The following NCOR1 variants were observed in gnomAD, a reference collection of about 807,000 sequenced individuals.
The protein encoded by NCOR1 is protein phosphatase 1, regulatory subunit 109.
In NCOR1, 63 loss-of-function variants were observed where a neutral mutation model predicts 288.1. The ratio of observed to expected loss-of-function variants is 0.22; its 90% CI spans 0.18 to 0.27. The LOEUF (loss-of-function observed/expected upper bound fraction) is 0.27, where lower values mean the gene tolerates loss of function less well. Among genes scored for constraint, NCOR1 ranks in the 10% least tolerant of loss-of-function variants. The pLI is 1.00. For missense variants in NCOR1, 2,397 were observed against 3,019.2 expected, an observed-to-expected ratio of 0.79 and a Z score of 4.83; for synonymous variants, 1,007 against 1,065.9, an observed-to-expected ratio of 0.94 and a Z score of 1.08.
At chr17:16,064,619 A>C (rs1308759181) in intron 34 of NCOR1, among the ~76,000 whole-genome samples, 2 of 152,076 alleles carry the variant, frequency 1.3e-5, no homozygotes, top group African/African-American at 4.8e-5. Flanking sequence ...AAAAACAAAA[A>C]AAAAACAAGA....
intron 40 of NCOR1, among the ~76,000 whole-genome samples, chr17:16,049,838 A>C (rs1411723155): frequency 6.6e-6 from 1 of 152,044 alleles, no homozygotes; most frequent in Non-Finnish European, 1.5e-5. Flanking sequence ...GGGCCTCCAA[A>C]AGTGCTAGGA....
At position 16,151,752 on chromosome 17, in the gene NCOR1, C is replaced by A. The variant is rs569701096; in HGVS notation, c.842+194G>T. ...GCAATAATTTATTTCATTTTTTGGC[C>A]TCGGAAACTCAAAGCTGTTACCCCA... On this transcript the variant is annotated intron_variant, in intron 8 of 45. Transcript: ENST00000268712. 10 of 1,027,620 alleles carry A rather than the reference C, an allele frequency of 9.7e-6. No individual in the cohort carries two copies. The African/African-American group carries it at 1.5e-4, about 15-fold the overall frequency. 63.7% of individuals were successfully genotyped at this position (1,027,620 alleles called of 1,614,324 possible). A position where few individuals can be genotyped will look rare whatever the true frequency, so the allele number is the denominator to read the frequency against.
At chr17:16,102,696 C>T (rs1165760127) in intron 19 of NCOR1, among the ~76,000 whole-genome samples, 5 of 151,990 alleles carry the variant, frequency 3.3e-5, no homozygotes, top group Non-Finnish European at 7.4e-5. Flanking sequence ...CAGGTTCCAG[C>T]GATTCTTGTG....
chr17:16,214,266 T>A (rs1426616590), intron 1 of NCOR1, among the ~76,000 whole-genome samples: 2 of 152,208 alleles, frequency 1.3e-5, no homozygotes, highest in African/African-American at 4.8e-5. Flanking sequence ...AACGATGCCA[T>A]CAACTCTTCA....
chr17:16,104,011 C>A (rs937729384), intron 19 of NCOR1, among the ~76,000 whole-genome samples: 1 of 152,086 alleles, frequency 6.6e-6, no homozygotes, highest in Non-Finnish European at 1.5e-5. Flanking sequence ...CCCACCCCCC[C>A]AAAAAAGCCT....
chr17:16,162,815 T>G (rs1278857224), intron 5 of NCOR1, among the ~76,000 whole-genome samples: 15 of 152,130 alleles, frequency 9.9e-5, no homozygotes, highest in Admixed American at 9.8e-4. Flanking sequence ...AAGACTTGAG[T>G]TGCGAGAAGA....
chr17:16,033,000 A>G (rs1289427680), intron 45 of NCOR1, among the ~76,000 whole-genome samples: 1 of 152,304 alleles, frequency 6.6e-6, no homozygotes, highest in East Asian at 1.9e-4. Flanking sequence ...GCTACCCTTC[A>G]TCAGTTTCTA....
chr17:16,110,401 T>A (rs568622981), intron 18 of NCOR1, among the ~76,000 whole-genome samples: 1 of 152,028 alleles, frequency 6.6e-6, no homozygotes, highest in Non-Finnish European at 1.5e-5. Context: ...AATTCCTTTT[T>A]AAAAAAAATT....
At chr17:16,060,067 T>G (rs1320051453) in intron 37 of NCOR1, among the ~76,000 whole-genome samples, 2 of 152,220 alleles carry the variant, frequency 1.3e-5, no homozygotes, top group Non-Finnish European at 2.9e-5. Flanking sequence ...CAAACCGTGT[T>G]CACATTGTTC....
rs529937398 is a variant in NCOR1 at position 16,094,798 on chromosome 17, C to T, written c.2821-2740G>A. On this transcript the variant is annotated intron_variant, in intron 21 of 45. Transcript: ENST00000268712. Reference sequence around the variant, plus strand: ...GCTGGGCTGGTCTCCAGCTCCTAACCGCGAGTGATCCACCAGCCTCGGCAT... The same window carrying T: ...GCTGGGCTGGTCTCCAGCTCCTAACTGCGAGTGATCCACCAGCCTCGGCAT... Among the ~76,000 whole-genome samples, 8 of 152,318 alleles carry T rather than the reference C, an allele frequency of 5.3e-5. No homozygotes were observed. In the East Asian group the frequency reaches 1.5e-3, roughly 29 times the overall value.
chr17:16,149,420 T>C, intron 9 of NCOR1, 31 bp downstream of exon 9: 1 of 1,339,534 alleles, frequency 7.5e-7, no homozygotes, highest in Non-Finnish European at 1.0e-6. Context: ...GAAAGCTGTA[T>C]AAATTTCAGT....
intron 13 of NCOR1, chr17:16,137,783 T>C: frequency 4.4e-6 from 1 of 226,666 alleles, no homozygotes; most frequent in Admixed American, 5.6e-5. Context: ...TATGGAATGA[T>C]TCACAAATTT....
At chr17:16,118,159 T>G (rs2072110572) in intron 17 of NCOR1, 132 bp from the exon 18 acceptor site, 1 of 857,498 alleles carries the variant, frequency 1.2e-6, no homozygotes, top group Non-Finnish European at 1.8e-6. Context: ...TTACTTATCA[T>G]ATATACTTTG....
At chr17:16,092,265 A>C (rs576319915) in intron 21 of NCOR1, among the ~76,000 whole-genome samples, 1 of 152,242 alleles carries the variant, frequency 6.6e-6, no homozygotes, top group African/African-American at 2.4e-5. Context: ...CGAGGCAGGC[A>C]GATCACCTGA....
chr17:16,195,210 C>T (rs757076613), intron 1 of NCOR1, among the ~76,000 whole-genome samples: 30 of 152,184 alleles, frequency 2.0e-4, no homozygotes, highest in Non-Finnish European at 3.4e-4. Flanking sequence ...GGTGGCTACT[C>T]CTGTAATCCC....
chr17:16,054,805 G>A (rs530091285), intron 40 of NCOR1, among the ~76,000 whole-genome samples: 1 of 152,218 alleles, frequency 6.6e-6, no homozygotes, highest in South Asian at 2.1e-4. Context: ...GGGGGCAGGA[G>A]CCTGTAATCC....
At chr17:16,082,885 G>A (rs2063613716) in intron 23 of NCOR1, among the ~76,000 whole-genome samples, 1 of 151,980 alleles carries the variant, frequency 6.6e-6, no homozygotes, top group Non-Finnish European at 1.5e-5. Context: ...AGAACGGAAG[G>A]AAACATCTTC....
At chr17:16,045,588 A>C (rs2058526989) in intron 42 of NCOR1, among the ~76,000 whole-genome samples, 1 of 152,106 alleles carries the variant, frequency 6.6e-6, no homozygotes, top group Non-Finnish European at 1.5e-5. Context: ...GGCTCACTGC[A>C]ACCTCTGCCT....
chr17:16,184,539 A>G (rs2086203347), intron 3 of NCOR1, among the ~76,000 whole-genome samples: 1 of 152,184 alleles, frequency 6.6e-6, no homozygotes, highest in South Asian at 2.1e-4. Context: ...TAGGATGCCT[A>G]TTACCAAAAA....
Sources: gnomAD v4.1 joint callset for allele counts (sites outside exome capture counted in the v4.1 genomes callset) on GRCh38, gnomAD v4.1.1 for gene constraint, MANE v1.5 for transcripts, NCBI Gene and HGNC (gene_info 2026-07-23, HGNC 2026-07-21) for gene names.